SIK2: variants seen among roughly 807,000 people sequenced by gnomAD.
SIK2 encodes the protein serine/threonine-protein kinase SIK2.
SIK2 carries 29 observed loss-of-function variants against 103.2 expected under a neutral mutation model. The ratio of observed to expected loss-of-function variants is 0.28; its 90% CI spans 0.21 to 0.38. The LOEUF is 0.38. SIK2 is among the 10% of genes least tolerant of loss of function. The pLI is 1.00. For missense variants in SIK2, 879 were observed against 1,171.0 expected (o/e 0.75, Z 3.64); for synonymous variants, 412 against 446.1 (o/e 0.92, Z 0.96).
intron 3 of SIK2, among the ~76,000 whole-genome samples, chr11:111,679,019 T>C (rs1942744135): frequency 6.6e-6 from 1 of 152,238 alleles, no homozygotes; most frequent in Admixed American, 6.5e-5. Flanking sequence ...CAGGCTTGTC[T>C]GACTCTAGAA....
At chr11:111,658,732 C>A (rs1942428390) in intron 3 of SIK2, among the ~76,000 whole-genome samples, 1 of 151,358 alleles carries the variant, frequency 6.6e-6, no homozygotes. Flanking sequence ...CAGAGTGAGG[C>A]CTTGTCACAA....
intron 3 of SIK2, among the ~76,000 whole-genome samples, chr11:111,642,520 A>G (rs185370478): frequency 1.3e-5 from 2 of 152,262 alleles, no homozygotes; most frequent in East Asian, 3.9e-4. Flanking sequence ...CAGAGCTTCC[A>G]TGCCTCTGGG....
At chr11:111,643,692 T>G (rs887739461) in intron 3 of SIK2, among the ~76,000 whole-genome samples, 1 of 150,692 alleles carries the variant, frequency 6.6e-6, no homozygotes, top group Non-Finnish European at 1.5e-5. Context: ...GCGCCTGTAC[T>G]CCCAGCTACT....
chr11:111,643,553 G>A (rs564277422), intron 3 of SIK2, among the ~76,000 whole-genome samples: 1 of 152,242 alleles, frequency 6.6e-6, no homozygotes, highest in Non-Finnish European at 1.5e-5. Context: ...GCTCACGCCT[G>A]TAATCCCAAC....
chr11:111,623,025 A>T (rs370710156), intron 3 of SIK2, among the ~76,000 whole-genome samples: 1 of 152,210 alleles, frequency 6.6e-6, no homozygotes, highest in Non-Finnish European at 1.5e-5. Context: ...TCCTTCAGAT[A>T]TTCCAGTCAA....
At chr11:111,713,839 C>A (rs1591640223) in intron 9 of SIK2, among the ~76,000 whole-genome samples, 1 of 151,950 alleles carries the variant, frequency 6.6e-6, no homozygotes. Context: ...AGGTTGCGGG[C>A]GCCTGTAATC....
chr11:111,693,331 C>CAA (rs1306377241), intron 4 of SIK2, among the ~76,000 whole-genome samples: 30 of 93,586 alleles, frequency 3.2e-4, no homozygotes, highest in East Asian at 3.1e-4. Context: ...GACTCCGTCT[C>CAA]AAAAAAAAAA....
chr11:111,678,457 A>C (rs1041550144), intron 3 of SIK2, among the ~76,000 whole-genome samples: 3 of 152,170 alleles, frequency 2.0e-5, no homozygotes, highest in Non-Finnish European at 4.4e-5. Context: ...TGAGGGAGAA[A>C]GCACTGTGCT....
rs1941806245 is a variant in SIK2 at position 111,616,366 on chromosome 11, C to G, written c.252+7C>G. ...CATAATCAAACTTTATCAGGTATGA[C>G]TCAGCCTAACACTATCTCCATTCAT... On this transcript the variant is annotated splice_region_variant and intron_variant, in intron 2 of 14. Coordinates refer to ENST00000304987, the MANE Select transcript of SIK2 (RefSeq NM_015191.3). The G allele has an allele frequency of 1.4e-6, 2 of 1,443,962 alleles. No individual in the cohort carries two copies. Among genetic ancestry groups the G allele is most frequent in the Admixed American group, 1.7e-5 (1 of 59,706 alleles). 89.4% of individuals were successfully genotyped at this position (1,443,962 alleles called of 1,614,324 possible). A position where few individuals can be genotyped will look rare whatever the true frequency, so the allele number is the denominator to read the frequency against.
chr11:111,707,716 C>A (rs1366894079), intron 8 of SIK2, among the ~76,000 whole-genome samples: 1 of 152,104 alleles, frequency 6.6e-6, no homozygotes, highest in Non-Finnish European at 1.5e-5. Context: ...CCTTGATGTT[C>A]TAATTTTTTT....
Position 111,634,049 on chromosome 11 carries a change from G to A in SIK2, c.316+13647G>A, listed in dbSNP as rs561612987. Among the ~76,000 whole-genome samples, 10 of 152,252 alleles carry A rather than the reference G, an allele frequency of 6.6e-5. No individual in the cohort carries two copies. In the South Asian group the frequency reaches 2.1e-3, roughly 32 times the overall value. On this transcript the variant is annotated intron_variant, in intron 3 of 14. Coordinates refer to ENST00000304987, the MANE Select transcript of SIK2 (RefSeq NM_015191.3). ...GGGTGATCACCTCGTCAGACAATTT[G>A]GGCGCTGTTCAAACAATTAAACCGG... is the stretch of plus-strand genomic sequence containing the variant.
intron 3 of SIK2, among the ~76,000 whole-genome samples, chr11:111,680,630 T>C (rs1565350816): frequency 6.6e-6 from 1 of 152,210 alleles, no homozygotes; most frequent in Non-Finnish European, 1.5e-5. Context: ...TTAAAGATAG[T>C]CATGCAAAGA....
intron 4 of SIK2, among the ~76,000 whole-genome samples, chr11:111,700,577 C>A (rs1943190138): frequency 6.6e-6 from 1 of 152,196 alleles, no homozygotes; most frequent in South Asian, 2.1e-4. Context: ...TTATCAAATA[C>A]TAGTTGGGTT....
intron 3 of SIK2, among the ~76,000 whole-genome samples, chr11:111,639,710 C>T (rs1210435770): frequency 6.6e-6 from 1 of 152,166 alleles, no homozygotes; most frequent in Non-Finnish European, 1.5e-5. Flanking sequence ...GCATCTTTCT[C>T]ATTGAAATTC....
chr11:111,602,797 G>C lies in SIK2; in HGVS notation c.135+99G>C. On this transcript the variant is annotated intron_variant, in intron 1 of 14. Coordinates refer to ENST00000304987, the MANE Select transcript of SIK2 (RefSeq NM_015191.3). The surrounding 1 kb of genome is among the most constrained non-coding windows in gnomAD (Gnocchi z 4.5). Reference sequence around the variant, plus strand: ...CGCAGTGGTGGGACCGGGGAGACCCGAGAGGCCGCCTCACTGGCGGAGGCG... The same window carrying C: ...CGCAGTGGTGGGACCGGGGAGACCCCAGAGGCCGCCTCACTGGCGGAGGCG... 1 of 1,382,580 alleles carries C rather than the reference G, an allele frequency of 7.2e-7. No individual in the cohort carries two copies. Among genetic ancestry groups the C allele is most frequent in the Non-Finnish European group, 9.3e-7 (1 of 1,070,684 alleles). 85.6% of individuals were successfully genotyped at this position (1,382,580 alleles called of 1,614,324 possible).
Position 111,723,735 on chromosome 11 carries a change from A to G in SIK2, c.2387A>G (p.Glu796Gly). 4 of 1,614,098 alleles carry G rather than the reference A, an allele frequency of 2.5e-6. No homozygotes were observed. Among genetic ancestry groups the G allele is most frequent in the Non-Finnish European group, 3.4e-6 (4 of 1,180,028 alleles). ...AGCCCTTTCCTCAGCCAGTACCAAG[A>G]GATGCAGCTTCAGCCCCTGCCCTCC... is the stretch of plus-strand genomic sequence containing the variant. The part of the protein sequence containing the change: ...QYSPFLSQYQ[E>G]MQLQPLPSTS... Residue 796 changes from glutamate to glycine, a missense_variant, in exon 15 of 15, where the codon GAG becomes GGG. This residue lies in a region of SIK2 where 375 missense variants were observed against 416.3 expected (regional missense o/e 0.90). Transcript: ENST00000304987.
At chr11:111,674,397 G>C (rs1942673125) in intron 3 of SIK2, among the ~76,000 whole-genome samples, 1 of 152,118 alleles carries the variant, frequency 6.6e-6, no homozygotes, top group Non-Finnish European at 1.5e-5. Flanking sequence ...AAGTCTGGTG[G>C]GTGAACTGGC....
intron 2 of SIK2, among the ~76,000 whole-genome samples, chr11:111,619,904 C>T (rs1048892950): frequency 3.3e-5 from 5 of 152,116 alleles, no homozygotes; most frequent in South Asian, 2.1e-4. Flanking sequence ...TTCTTTTAAT[C>T]GGAATCTACC....
intron 3 of SIK2, among the ~76,000 whole-genome samples, chr11:111,686,532 A>G (rs1333405751): frequency 6.6e-6 from 1 of 152,246 alleles, no homozygotes; most frequent in Non-Finnish European, 1.5e-5. Context: ...TAAACACTAG[A>G]GCAGAAAATG....
Sources: allele counts gnomAD v4.1 joint callset (sites outside exome capture counted in the v4.1 genomes callset), GRCh38; gene constraint gnomAD v4.1.1; regional missense constraint gnomAD v4.1.1; non-coding constraint Gnocchi (gnomAD v3.1); transcripts MANE v1.5; gene names NCBI Gene and HGNC (gene_info 2026-07-23, HGNC 2026-07-21).